FRMD5: variants seen among roughly 807,000 people sequenced by gnomAD.
FRMD5 encodes the protein FERM domain containing 5.
A neutral mutation model predicts 69.0 loss-of-function variants in FRMD5; 20 were observed. The ratio of observed to expected loss-of-function variants is 0.29; its 90% CI spans 0.20 to 0.42. The LOEUF (loss-of-function observed/expected upper bound fraction) is 0.42. Among genes scored for constraint, FRMD5 ranks in the 10% least tolerant of loss-of-function variants. FRMD5 has a pLI of 1.00. For synonymous variants in FRMD5, 271 were observed against 260.1 expected (o/e 1.04, Z -0.40); for missense variants, 595 against 708.6 (o/e 0.84, Z 1.82).
At chr15:44,017,764 C>T (rs1891035236) in intron 1 of FRMD5, among the ~76,000 whole-genome samples, 2 of 151,858 alleles carry the variant, frequency 1.3e-5, no homozygotes, top group African/African-American at 4.8e-5. Context: ...CGCCACCATG[C>T]CCAGCTAAAT....
chr15:44,033,404 AT>A (rs1474332883), intron 1 of FRMD5, among the ~76,000 whole-genome samples: 1 of 152,190 alleles, frequency 6.6e-6, no homozygotes, highest in African/African-American at 2.4e-5. Context: ...TAAAAAAAAA[AT>A]AAAGTTTTTC....
At chr15:44,168,604 A>G (rs1365457) in intron 1 of FRMD5, among the ~76,000 whole-genome samples, 124,459 of 152,210 alleles carry the variant, frequency 0.82, 54,696 homozygotes, top group Non-Finnish European at 0.97. Context: ...TACTTTCTGA[A>G]AGTGAAAATA....
intron 1 of FRMD5, among the ~76,000 whole-genome samples, chr15:43,997,779 G>A (rs1015513604): frequency 6.6e-6 from 1 of 152,156 alleles, no homozygotes; most frequent in African/African-American, 2.4e-5. Context: ...GAATGATCAT[G>A]CACGCCACAA....
chr15:44,115,903 G>C (rs1219190567), intron 1 of FRMD5, among the ~76,000 whole-genome samples: 2 of 152,176 alleles, frequency 1.3e-5, no homozygotes, highest in Non-Finnish European at 1.5e-5. Flanking sequence ...GGATAAGAAA[G>C]CATCCAGGGT....
rs1253761936 is a variant in FRMD5, at chr15:43,872,894, A to G, written c.*991T>C. ...TTTCGTTGTTAAAATATAAATTGAA[A>G]TAGTCTTTGGGTCAAGGGGGTGTAT... On this transcript the variant is annotated 3_prime_UTR_variant, in exon 14 of 14. Transcript: ENST00000417257. 9 of 372,302 alleles carry G rather than the reference A, an allele frequency of 2.4e-5. No individual in the cohort carries two copies. The East Asian group carries it at 3.6e-4, about 15-fold the overall frequency. The allele number at this position is 372,302 out of a possible 1,614,324, so 23.1% of individuals were successfully genotyped here.
intron 1 of FRMD5, among the ~76,000 whole-genome samples, chr15:44,071,356 G>C (rs1014446838): frequency 6.6e-6 from 1 of 152,126 alleles, no homozygotes; most frequent in Non-Finnish European, 1.5e-5. Flanking sequence ...GATCCCAGGA[G>C]GTCAAGGATG....
At chr15:44,057,304 C>T (rs183088847) in intron 1 of FRMD5, among the ~76,000 whole-genome samples, 12 of 152,072 alleles carry the variant, frequency 7.9e-5, no homozygotes, top group African/African-American at 2.4e-4. Context: ...CGGGGTTTCA[C>T]CAAGTTGGCC....
intron 1 of FRMD5, among the ~76,000 whole-genome samples, chr15:44,108,664 C>CA (rs1236676299): frequency 2.0e-5 from 3 of 150,806 alleles, no homozygotes; most frequent in African/African-American, 4.9e-5. Context: ...CACCAAAAAA[C>CA]AAAAAAACAA....
intron 1 of FRMD5, among the ~76,000 whole-genome samples, chr15:44,171,495 A>C (rs116694983): frequency 6.6e-6 from 1 of 152,228 alleles, no homozygotes; most frequent in Non-Finnish European, 1.5e-5. Context: ...TATACGTTGA[A>C]GTATATAATA....
intron 1 of FRMD5, among the ~76,000 whole-genome samples, chr15:44,025,862 C>T (rs986905616): frequency 2.0e-5 from 3 of 152,170 alleles, no homozygotes; most frequent in African/African-American, 4.8e-5. Flanking sequence ...CTTTGTTAAA[C>T]AGGATAAGTT....
chr15:43,886,082 C>T (rs1339819678), intron 10 of FRMD5, among the ~76,000 whole-genome samples: 1 of 152,168 alleles, frequency 6.6e-6, no homozygotes, highest in African/African-American at 2.4e-5. Flanking sequence ...TAATAGAATG[C>T]CCATCTAATC....
intron 1 of FRMD5, among the ~76,000 whole-genome samples, chr15:44,188,652 T>A (rs1222307441): frequency 1.3e-5 from 2 of 152,234 alleles, no homozygotes; most frequent in African/African-American, 4.8e-5. Flanking sequence ...CACTGCTTTA[T>A]CCAATCCCTT....
chr15:44,161,373 C>A (rs2077614153), intron 1 of FRMD5, among the ~76,000 whole-genome samples: 1 of 152,150 alleles, frequency 6.6e-6, no homozygotes, highest in Non-Finnish European at 1.5e-5. Context: ...ATTTTATATT[C>A]ACCCACCAAA....
chr15:43,962,342 T>G (rs1298279511), intron 1 of FRMD5, among the ~76,000 whole-genome samples: 6 of 152,124 alleles, frequency 3.9e-5, no homozygotes. Flanking sequence ...GGAATCCAAC[T>G]TACAAGGGAC....
chr15:43,999,090 C>T (rs1481151297), intron 1 of FRMD5, among the ~76,000 whole-genome samples: 2 of 151,978 alleles, frequency 1.3e-5, no homozygotes, highest in African/African-American at 4.8e-5. Flanking sequence ...TTTTTTCAGA[C>T]GGAGTCTCCA....
intron 13 of FRMD5, among the ~76,000 whole-genome samples, chr15:43,881,250 C>G (rs1331744050): frequency 6.6e-6 from 1 of 152,142 alleles, no homozygotes; most frequent in African/African-American, 2.4e-5. Flanking sequence ...GCTTCAGCCT[C>G]AGAGGGATGG....
intron 1 of FRMD5, among the ~76,000 whole-genome samples, chr15:44,188,660 C>T (rs970036996): frequency 2.6e-5 from 4 of 152,182 alleles, no homozygotes; most frequent in Non-Finnish European, 4.4e-5. Flanking sequence ...TATCCAATCC[C>T]TTATTTCATT....
chr15:43,967,485 C>A (rs1342414888), intron 1 of FRMD5, among the ~76,000 whole-genome samples: 1 of 152,096 alleles, frequency 6.6e-6, no homozygotes, highest in Non-Finnish European at 1.5e-5. Flanking sequence ...CCCACCTCGA[C>A]CTCCCAAAGT....
chr15:44,161,379 C>G (rs951191963), intron 1 of FRMD5, among the ~76,000 whole-genome samples: 1 of 152,146 alleles, frequency 6.6e-6, no homozygotes, highest in Non-Finnish European at 1.5e-5. Context: ...TATTCACCCA[C>G]CAAATCATAA....
Sources: allele counts gnomAD v4.1 joint callset (sites outside exome capture counted in the v4.1 genomes callset), GRCh38; gene constraint gnomAD v4.1.1; transcripts MANE v1.5; gene names NCBI Gene and HGNC (gene_info 2026-07-23, HGNC 2026-07-21).